Variants in ARHGAP6 observed in about 807,000 individuals in gnomAD.
ARHGAP6 encodes Rho GTPase activating protein 6, also known as rho GTPase-activating protein 6.
In ARHGAP6, 16 loss-of-function variants were observed where a neutral mutation model predicts 55.7. That is an observed-to-expected ratio of 0.29 (90% CI 0.19 to 0.44). ARHGAP6 has a LOEUF of 0.44. ARHGAP6 is among the 20% of genes least tolerant of loss of function. The pLI is 1.00. For synonymous variants in ARHGAP6, 382 were observed against 360.9 expected, an observed-to-expected ratio of 1.06 and a Z score of -0.66; for missense variants, 698 against 808.9, an observed-to-expected ratio of 0.86 and a Z score of 1.66.
At position 11,169,514 on chromosome X, in the gene ARHGAP6, G is replaced by T; in HGVS notation, c.1800C>A (p.Ala600=). 2.5e-6 allele frequency: 3 copies of T among 1,197,092 alleles called. No individual in the cohort carries two copies. Among genetic ancestry groups the T allele is most frequent in the Non-Finnish European group, 2.3e-6 (2 of 888,425 alleles). The stretch of plus-strand genomic sequence containing the variant: ...CAGAAGGGCCACCTACCATGAACAG[G>T]GCTTCATAATTTTCAATCATCTTTT... ...VVQKMIENYE[A]LFMVPPDLQN... The change falls in exon 9 of 13, where the codon GCC becomes GCA. Residue 600 remains alanine (A), a synonymous_variant. Transcript: ENST00000337414.
In ARHGAP6 at chrX:11,219,443, G is replaced by C. The variant is rs1475144684; in HGVS notation, c.749-22447C>G. On this transcript the variant is annotated intron_variant, in intron 2 of 12. Transcript: ENST00000337414. ...GGGTCAAATGGTACTTCTAGTTCTA[G>C]ATCCCTGAGGAATCGCCACACTGAC... 8.0e-4 allele frequency among the ~76,000 whole-genome samples: 80 copies of C among 99,891 alleles called. No homozygotes were observed. The East Asian group carries it at 0.022, about 27-fold the overall frequency. The allele number at this position is 99,891 out of a possible 115,157, so 86.7% of individuals were successfully genotyped here. A position where few individuals can be genotyped will look rare whatever the true frequency, so the allele number is the denominator to read the frequency against.
chrX:11,368,107 T>C (rs771303270), intron 1 of ARHGAP6, among the ~76,000 whole-genome samples: 2 of 112,674 alleles, frequency 1.8e-5, no homozygotes, highest in South Asian at 7.4e-4. Context: ...GGAGAAAGCA[T>C]GGTGATCGTA....
intron 1 of ARHGAP6, among the ~76,000 whole-genome samples, chrX:11,258,752 T>A (rs2047522280): frequency 1.8e-5 from 2 of 112,242 alleles, no homozygotes; most frequent in Admixed American, 1.9e-4. Flanking sequence ...ATATTTGGAA[T>A]TGTTAACCAA....
intron 9 of ARHGAP6, among the ~76,000 whole-genome samples, chrX:11,162,986 A>T (rs2045971808): frequency 8.9e-6 from 1 of 112,248 alleles, no homozygotes; most frequent in Admixed American, 9.5e-5. Flanking sequence ...AAAATCAAGC[A>T]ATTCTGCATG....
chrX:11,356,084 G>C (rs1410337968), intron 1 of ARHGAP6, among the ~76,000 whole-genome samples: 1 of 111,281 alleles, frequency 9.0e-6, no homozygotes, highest in Non-Finnish European at 1.9e-5. Flanking sequence ...TTAGGCACTA[G>C]GCAGCAGCTT....
At chrX:11,572,741 C>G (rs1247992193) in intron 1 of ARHGAP6, among the ~76,000 whole-genome samples, 1 of 111,727 alleles carries the variant, frequency 9.0e-6, no homozygotes, top group Non-Finnish European at 1.9e-5. Flanking sequence ...ATTTCTAGTT[C>G]TAGATCCCTG....
intron 1 of ARHGAP6, among the ~76,000 whole-genome samples, chrX:11,459,265 C>T (rs1207194554): frequency 9.0e-6 from 1 of 111,492 alleles, no homozygotes; most frequent in Non-Finnish European, 1.9e-5. Context: ...AGGAATTCTT[C>T]GAGATATGAC....
intron 1 of ARHGAP6, among the ~76,000 whole-genome samples, chrX:11,650,027 C>T (rs1175769359): frequency 1.0e-5 from 1 of 98,024 alleles, no homozygotes; most frequent in Non-Finnish European, 2.0e-5. Context: ...CAGAGTCACA[C>T]TCTGTTGCCC....
chrX:11,570,656 T>C (rs2051503511), intron 1 of ARHGAP6, among the ~76,000 whole-genome samples: 1 of 111,589 alleles, frequency 9.0e-6, no homozygotes, highest in Admixed American at 9.6e-5. Context: ...TTGATCCAGA[T>C]CTGTTTACAT....
chrX:11,616,823 G>A (rs1447573415), intron 1 of ARHGAP6, among the ~76,000 whole-genome samples: 1 of 111,495 alleles, frequency 9.0e-6, no homozygotes, highest in Non-Finnish European at 1.9e-5. Flanking sequence ...TAGTGGTAGA[G>A]GCCAGAGATA....
At chrX:11,626,352 C>A (rs1273499379) in intron 1 of ARHGAP6, among the ~76,000 whole-genome samples, 1 of 111,479 alleles carries the variant, frequency 9.0e-6, no homozygotes, top group African/African-American at 3.2e-5. Flanking sequence ...GATATCCAGG[C>A]TCACAGGGTT....
At chrX:11,189,466 C>A (rs989433300) in intron 3 of ARHGAP6, among the ~76,000 whole-genome samples, 1 of 111,966 alleles carries the variant, frequency 8.9e-6, no homozygotes, top group Non-Finnish European at 1.9e-5. Flanking sequence ...ACTGAATACA[C>A]TTTGAGGTTC....
At chrX:11,290,206 G>C (rs895069868) in intron 1 of ARHGAP6, among the ~76,000 whole-genome samples, 14 of 111,322 alleles carry the variant, frequency 1.3e-4, no homozygotes, top group Admixed American at 1.1e-3. Flanking sequence ...CTATTGAAAA[G>C]GTCCATCTAA....
At chrX:11,353,182 G>A (rs1453934948) in intron 1 of ARHGAP6, among the ~76,000 whole-genome samples, 1 of 111,624 alleles carries the variant, frequency 9.0e-6, no homozygotes, top group Non-Finnish European at 1.9e-5. Context: ...CTCCAGAGAA[G>A]CCTCAGATCC....
intron 1 of ARHGAP6, among the ~76,000 whole-genome samples, chrX:11,571,725 A>AATAATAATAATC (rs2051520232): frequency 1.9e-5 from 2 of 105,137 alleles, no homozygotes; most frequent in African/African-American, 6.9e-5. Context: ...TAATAATAAT[A>AATAATAATAATC]ATAATAATAA....
intron 1 of ARHGAP6, among the ~76,000 whole-genome samples, chrX:11,329,613 A>G (rs1286292581): frequency 1.8e-5 from 2 of 112,395 alleles, no homozygotes; most frequent in Non-Finnish European, 3.8e-5. Context: ...TCCTGAGAAA[A>G]CTGTCATTGT....
At chrX:11,443,557 T>C (rs998975449) in intron 1 of ARHGAP6, among the ~76,000 whole-genome samples, 5 of 112,033 alleles carry the variant, frequency 4.5e-5, no homozygotes, top group African/African-American at 1.6e-4. Flanking sequence ...ATGCAATGCT[T>C]GATATTGTCA....
chrX:11,243,771 C>A (rs1381605985), intron 2 of ARHGAP6, among the ~76,000 whole-genome samples: 1 of 111,933 alleles, frequency 8.9e-6, no homozygotes, highest in Non-Finnish European at 1.9e-5. Context: ...ATCTTTTATG[C>A]AATATTTCTA....
chrX:11,354,492 G>A (rs1457908078), intron 1 of ARHGAP6, among the ~76,000 whole-genome samples: 1 of 107,735 alleles, frequency 9.3e-6, no homozygotes, highest in Non-Finnish European at 1.9e-5. Flanking sequence ...TACCATCCAT[G>A]ATAGAATAAA....
Sources: gnomAD v4.1 joint callset for allele counts (sites outside exome capture counted in the v4.1 genomes callset) on GRCh38, gnomAD v4.1.1 for gene constraint, MANE v1.5 for transcripts, NCBI Gene and HGNC (gene_info 2026-07-23, HGNC 2026-07-21) for gene names.